The following GALNT18 variants were observed in gnomAD, a reference collection of about 807,000 sequenced individuals.
GALNT18 encodes polypeptide N-acetylgalactosaminyltransferase 18.
In GALNT18, 44 loss-of-function variants were observed where a neutral mutation model predicts 69.5. The ratio of observed to expected loss-of-function variants is 0.63; its 90% confidence interval spans 0.50 to 0.81. GALNT18 has a LOEUF of 0.81. GALNT18 is among the 40% of genes least tolerant of loss of function. The pLI is 0.00. For missense variants in GALNT18, 715 were observed against 810.0 expected, an observed-to-expected ratio of 0.88 and a Z score of 1.42; for synonymous variants, 364 against 318.2, an observed-to-expected ratio of 1.14 and a Z score of -1.53.
intron 9 of GALNT18, among the ~76,000 whole-genome samples, chr11:11,321,876 A>G (rs1330063096): frequency 1.3e-5 from 2 of 152,192 alleles, no homozygotes; most frequent in Non-Finnish European, 2.9e-5. Context: ...AAGTGCTAGG[A>G]TTACAGGCGT....
intron 3 of GALNT18, among the ~76,000 whole-genome samples, chr11:11,395,493 G>T (rs993138331): frequency 1.2e-4 from 19 of 152,222 alleles, no homozygotes; most frequent in Non-Finnish European, 1.5e-5. Context: ...ATGAGATGGG[G>T]AAACTGAGAC....
chr11:11,296,882 G>T (rs1315906122), intron 9 of GALNT18, among the ~76,000 whole-genome samples: 2 of 152,164 alleles, frequency 1.3e-5, no homozygotes, highest in South Asian at 2.1e-4. Context: ...CATCTCAGAA[G>T]CCCAGCCTAG....
intron 1 of GALNT18, among the ~76,000 whole-genome samples, chr11:11,467,156 G>A (rs113070531): frequency 1.3e-5 from 2 of 152,142 alleles, no homozygotes; most frequent in African/African-American, 2.4e-5. Flanking sequence ...TGTGCCCACC[G>A]GCTGCATATG....
chr11:11,485,534 C>T (rs1192735836), intron 1 of GALNT18, among the ~76,000 whole-genome samples: 1 of 152,192 alleles, frequency 6.6e-6, no homozygotes, highest in Non-Finnish European at 1.5e-5. Context: ...GGGATGAAGA[C>T]CAACTATGCA....
intron 10 of GALNT18, among the ~76,000 whole-genome samples, chr11:11,292,246 A>T (rs1321686958): frequency 6.6e-6 from 1 of 152,118 alleles, no homozygotes; most frequent in Non-Finnish European, 1.5e-5. Context: ...AGGCATCCCT[A>T]TCTGTGGCTG....
chr11:11,276,876 G>A (rs888317505), intron 10 of GALNT18, among the ~76,000 whole-genome samples: 1 of 152,162 alleles, frequency 6.6e-6, no homozygotes, highest in Non-Finnish European at 1.5e-5. Flanking sequence ...TGATCATGGT[G>A]GATAAGCTTT....
intron 9 of GALNT18, among the ~76,000 whole-genome samples, chr11:11,308,395 C>T (rs1282236365): frequency 1.3e-5 from 2 of 152,158 alleles, no homozygotes; most frequent in Non-Finnish European, 2.9e-5. Flanking sequence ...TATCCTCACT[C>T]CACCCCTGAT....
chr11:11,594,123 A>AT (rs1176004584), intron 1 of GALNT18, among the ~76,000 whole-genome samples: 1 of 152,154 alleles, frequency 6.6e-6, no homozygotes, highest in South Asian at 2.1e-4. Context: ...AAAGCACAGT[A>AT]TTTTTTTAGA....
At chr11:11,374,909 A>ACC (rs1423958652) in intron 5 of GALNT18, among the ~76,000 whole-genome samples, 1 of 152,248 alleles carries the variant, frequency 6.6e-6, no homozygotes, top group Non-Finnish European at 1.5e-5. Context: ...TCAAAGTGGA[A>ACC]ATGAACACAC....
chr11:11,507,378 C>G (rs1230523273), intron 1 of GALNT18, among the ~76,000 whole-genome samples: 1 of 152,130 alleles, frequency 6.6e-6, no homozygotes, highest in African/African-American at 2.4e-5. Flanking sequence ...TGAACTGAGT[C>G]AGTCTCCCAA....
At chr11:11,419,817 T>C (rs984309351) in intron 3 of GALNT18, among the ~76,000 whole-genome samples, 1 of 152,044 alleles carries the variant, frequency 6.6e-6, no homozygotes, top group Admixed American at 6.6e-5. Flanking sequence ...TCTTGGGACA[T>C]GAGCTCCTAA....
rs112603369 is a variant in GALNT18, at chr11:11,587,493, G to A, written c.235+33866C>T. On this transcript the variant is annotated intron_variant, in intron 1 of 10. Transcript: ENST00000227756. The surrounding 1 kb of genome is among the most constrained non-coding windows in gnomAD (Gnocchi z 4.4). Reference sequence around the variant, plus strand: ...GAGCAGTGAGCATATCCAAAGCCTCGATCTAGGAGGAAGCACTCTGGAGCT... The same window carrying A: ...GAGCAGTGAGCATATCCAAAGCCTCAATCTAGGAGGAAGCACTCTGGAGCT... 2.6e-5 allele frequency among the ~76,000 whole-genome samples: 4 copies of A among 152,128 alleles called. No individual in the cohort carries two copies. The highest frequency in any genetic ancestry group is 7.2e-5 in the African/African-American group (3 of 41,404).
rs567666516 is a variant in GALNT18 at position 11,546,470 on chromosome 11, A to G, written c.235+74889T>C. ...TGTACTTGAGGACATCCCAGCGCTT[A>G]TCATCTCAGAACCTACAATCCCGTC... On this transcript the variant is annotated intron_variant, in intron 1 of 10. Coordinates refer to ENST00000227756, the MANE Select transcript of GALNT18 (RefSeq NM_198516.3). The surrounding 1 kb of genome is among the most constrained non-coding windows in gnomAD (Gnocchi z 5.8). 3.9e-5 allele frequency among the ~76,000 whole-genome samples: 6 copies of G among 152,338 alleles called. No homozygotes were observed. The highest frequency in any genetic ancestry group is 8.8e-5 in the Non-Finnish European group (6 of 68,026).
At chr11:11,363,154 T>C (rs1193805756) in intron 6 of GALNT18, among the ~76,000 whole-genome samples, 1 of 152,224 alleles carries the variant, frequency 6.6e-6, no homozygotes, top group Non-Finnish European at 1.5e-5. Context: ...AATAAATGTT[T>C]ACATTGGAAA....
intron 3 of GALNT18, among the ~76,000 whole-genome samples, chr11:11,409,276 GA>G (rs1167985050): frequency 6.6e-6 from 1 of 152,038 alleles, no homozygotes; most frequent in Non-Finnish European, 1.5e-5. Context: ...TCCTGGGAAG[GA>G]AACTCAGTCA....
At chr11:11,594,991 G>A (rs1388346072) in intron 1 of GALNT18, among the ~76,000 whole-genome samples, 3 of 150,038 alleles carry the variant, frequency 2.0e-5, no homozygotes, top group African/African-American at 7.3e-5. Context: ...ATGTGTGTGT[G>A]TGTGTGTGTA....
At chr11:11,490,639 A>G (rs1298050658) in intron 1 of GALNT18, among the ~76,000 whole-genome samples, 1 of 152,198 alleles carries the variant, frequency 6.6e-6, no homozygotes, top group Non-Finnish European at 1.5e-5. Flanking sequence ...CAAATGGCCA[A>G]TGGTGTGACC....
chr11:11,470,469 G>A lies in GALNT18; in HGVS notation c.236-21533C>T, dbSNP rs867664947. Among the ~76,000 whole-genome samples, 1 of 152,166 alleles carries A rather than the reference G, an allele frequency of 6.6e-6. No homozygotes were observed. Among genetic ancestry groups the A allele is most frequent in the Non-Finnish European group, 1.5e-5 (1 of 68,026 alleles). Reference sequence around the variant, plus strand: ...TCTGTCATCAGTGTGTGAGGAAGGCGCTATCCTCCACGCAGTCGGCTAGGC... The same window carrying A: ...TCTGTCATCAGTGTGTGAGGAAGGCACTATCCTCCACGCAGTCGGCTAGGC... On this transcript the variant is annotated intron_variant, in intron 1 of 10. Coordinates refer to ENST00000227756, the MANE Select transcript of GALNT18 (RefSeq NM_198516.3). This position sits in a 1 kb window ranked among gnomAD's most constrained non-coding sequence, Gnocchi z 4.8.
chr11:11,303,567 G>A (rs975504214), intron 9 of GALNT18, among the ~76,000 whole-genome samples: 1 of 151,942 alleles, frequency 6.6e-6, no homozygotes, highest in African/African-American at 2.4e-5. Context: ...TAGAGGCTGA[G>A]CCCAAGCCTG....
Sources: gnomAD v4.1 joint callset for allele counts (sites outside exome capture counted in the v4.1 genomes callset) on GRCh38, gnomAD v4.1.1 for gene constraint, Gnocchi (gnomAD v3.1) non-coding constraint, MANE v1.5 for transcripts, NCBI Gene and HGNC (gene_info 2026-07-23, HGNC 2026-07-21) for gene names.